KCNK12: variants seen among roughly 807,000 people sequenced by gnomAD.
The protein encoded by KCNK12 is potassium channel subfamily K member 12.
KCNK12 carries 6 observed loss-of-function variants against 25.3 expected under a neutral mutation model. That is an observed-to-expected ratio of 0.24 (90% CI 0.13 to 0.47). The LOEUF (loss-of-function observed/expected upper bound fraction) is 0.47, where lower values mean the gene tolerates loss of function less well. Among genes scored for constraint, KCNK12 ranks in the 20% least tolerant of loss-of-function variants. The pLI, the probability that KCNK12 is intolerant of heterozygous loss-of-function variation, is 0.99. For missense variants in KCNK12, 444 were observed against 661.7 expected (o/e 0.67, Z 3.61); for synonymous variants, 331 against 311.1 (o/e 1.06, Z -0.67).
rs1002816075 is a variant in KCNK12 at position 47,566,471 on chromosome 2, G to C, written c.391+3470C>G. 1 of 152,040 alleles carries C rather than the reference G, an allele frequency of 6.6e-6. No individual in the cohort carries two copies. The highest frequency in any genetic ancestry group is 1.5e-5 in the Non-Finnish European group (1 of 68,016). 9.4% of individuals were successfully genotyped at this position (152,040 alleles called of 1,614,324 possible). A position where few individuals can be genotyped will look rare whatever the true frequency, so the allele number is the denominator to read the frequency against. The stretch of plus-strand genomic sequence containing the variant: ...ACACACACTGGTGCAAAAAAGGGCA[G>C]AAAGCAAGTGACTTCTGTCCTTAGA... On this transcript the variant is annotated intron_variant, in intron 1 of 1. Coordinates refer to ENST00000327876, the MANE Select transcript of KCNK12 (RefSeq NM_022055.2). This position sits in a 1 kb window ranked among gnomAD's most constrained non-coding sequence, Gnocchi z 4.1.
At chr2:47,526,150 T>C (rs1391006712) in intron 1 of KCNK12, among the ~76,000 whole-genome samples, 1 of 151,858 alleles carries the variant, frequency 6.6e-6, no homozygotes, top group African/African-American at 2.4e-5. Context: ...ATCCCAGCAC[T>C]TTGGGAGGCC....
intron 1 of KCNK12, chr2:47,534,823 C>G (rs575510103): frequency 1.1e-5 from 2 of 183,450 alleles, no homozygotes; most frequent in Admixed American, 1.3e-4. Flanking sequence ...CTCAGAGCAG[C>G]AAGACAATGT....
intron 1 of KCNK12, among the ~76,000 whole-genome samples, chr2:47,558,506 C>T (rs894011021): frequency 6.6e-6 from 1 of 152,234 alleles, no homozygotes; most frequent in African/African-American, 2.4e-5. Flanking sequence ...GCACCCCGCC[C>T]CTAGGAAATG....
intron 1 of KCNK12, among the ~76,000 whole-genome samples, chr2:47,543,103 CT>C (rs988951648): frequency 2.0e-5 from 3 of 152,054 alleles, no homozygotes; most frequent in Non-Finnish European, 4.4e-5. Flanking sequence ...CCAACGTGTT[CT>C]TTTTTGAGGT....
rs1669708230 is a variant in KCNK12, at chr2:47,562,823, C to G, written c.391+7118G>C. 8.6e-6 allele frequency: 2 copies of G among 233,064 alleles called. No individual in the cohort carries two copies. Among genetic ancestry groups the G allele is most frequent in the African/African-American group, 4.4e-5 (2 of 45,302 alleles). The allele number at this position is 233,064 out of a possible 1,614,324, so 14.4% of individuals were successfully genotyped here. ...TGTAGAAACTCTGCAGAGAGTATGA[C>G]CGTGTCTCTTAAAAAAACTTTGGTG... On this transcript the variant is annotated intron_variant, in intron 1 of 1. Coordinates refer to ENST00000327876, the MANE Select transcript of KCNK12 (RefSeq NM_022055.2). This position sits in a 1 kb window ranked among gnomAD's most constrained non-coding sequence, Gnocchi z 4.8.
intron 1 of KCNK12, among the ~76,000 whole-genome samples, chr2:47,546,978 A>G (rs1278629982): frequency 6.6e-6 from 1 of 152,140 alleles, no homozygotes; most frequent in African/African-American, 2.4e-5. Flanking sequence ...TGGGTGTGGG[A>G]AAGGCCATAT....
rs1669428915 is a variant in KCNK12 at position 47,551,503 on chromosome 2, G to A, written c.391+18438C>T. Among the ~76,000 whole-genome samples the A allele has an allele frequency of 6.6e-6, 1 of 152,342 alleles. No homozygotes were observed. Among genetic ancestry groups the A allele is most frequent in the African/African-American group, 2.4e-5 (1 of 41,572 alleles). On this transcript the variant is annotated intron_variant, in intron 1 of 1. Transcript: ENST00000327876. This position sits in a 1 kb window ranked among gnomAD's most constrained non-coding sequence, Gnocchi z 5.3. ...TAGGGACTTTGTCTACTTGTTCACT[G>A]CTGTATCCCTGGGGATTTTCAGTTG...
Position 47,519,006 on chromosome 2 carries a change from C to G in KCNK12, c.*1901G>C, listed in dbSNP as rs1573619244. The G allele has an allele frequency of 6.6e-6, 1 of 152,256 alleles. No homozygotes were observed. The highest frequency in any genetic ancestry group is 1.9e-4 in the East Asian group (1 of 5,190). 9.4% of individuals were successfully genotyped at this position (152,256 alleles called of 1,614,324 possible). On this transcript the variant is annotated 3_prime_UTR_variant, in exon 2 of 2. Transcript: ENST00000327876. ...GCAACCATGGGTTGGATGGGGGGCA[C>G]TCACTGGGCTGGCCTGACAGTCACA...
rs967578543 is a variant in KCNK12 at position 47,554,858 on chromosome 2, G to A, written c.391+15083C>T. On this transcript the variant is annotated intron_variant, in intron 1 of 1. Transcript: ENST00000327876. ...GAGTAGACTGGTCGTGATGGGCAGC[G>A]AGACAAGTGGATGGAATCAGAATGT... is the stretch of plus-strand genomic sequence containing the variant. 1.5e-4 allele frequency among the ~76,000 whole-genome samples: 23 copies of A among 152,204 alleles called. 1 individual carries two copies. Among genetic ancestry groups the A allele is most frequent in the Admixed American group, 7.2e-4 (11 of 15,280 alleles).
Position 47,512,670 on chromosome 2 carries a change from T to C in KCNK12, c.*8237A>G. The C allele has an allele frequency of 2.0e-6, 1 of 491,958 alleles. No individual in the cohort carries two copies. Among genetic ancestry groups the C allele is most frequent in the Admixed American group, 3.8e-5 (1 of 26,652 alleles). 30.5% of individuals were successfully genotyped at this position (491,958 alleles called of 1,614,324 possible). A position where few individuals can be genotyped will look rare whatever the true frequency, so the allele number is the denominator to read the frequency against. On this transcript the variant is annotated 3_prime_UTR_variant, in exon 2 of 2. Coordinates refer to ENST00000327876, the MANE Select transcript of KCNK12 (RefSeq NM_022055.2). ...GATGTGCCCTTGTACACCCACTGCCTCTGAACTCTGCTCTGCATTGCTGAG... is the reference window on the plus strand; with the variant it reads ...GATGTGCCCTTGTACACCCACTGCCCCTGAACTCTGCTCTGCATTGCTGAG...
intron 1 of KCNK12, among the ~76,000 whole-genome samples, chr2:47,522,904 C>T (rs1304727405): frequency 6.6e-6 from 1 of 151,750 alleles, no homozygotes; most frequent in South Asian, 2.1e-4. Context: ...ATTTTTTTTC[C>T]CAAGTGTGCC....
chr2:47,552,251 C>A (rs985954652), intron 1 of KCNK12, among the ~76,000 whole-genome samples: 7 of 152,202 alleles, frequency 4.6e-5, no homozygotes, highest in African/African-American at 1.7e-4. Context: ...CCCGCCTCCA[C>A]CAATGGTAGT....
intron 1 of KCNK12, among the ~76,000 whole-genome samples, chr2:47,553,585 G>C (rs1669486172): frequency 6.6e-6 from 1 of 152,212 alleles, no homozygotes; most frequent in African/African-American, 2.4e-5. Context: ...GAGACTAACA[G>C]TTTAGACTAA....
chr2:47,522,121 C>G (rs1450058426), intron 1 of KCNK12, among the ~76,000 whole-genome samples: 8 of 152,226 alleles, frequency 5.3e-5, no homozygotes, highest in African/African-American at 1.7e-4. Context: ...ATAGAAACCA[C>G]TGCTGCACAG....
chr2:47,563,822 C>G (rs1047872556), intron 1 of KCNK12: 1 of 232,722 alleles, frequency 4.3e-6, no homozygotes, highest in East Asian at 6.0e-5. Flanking sequence ...TACCTTTGCT[C>G]CATTCGGCAC....
rs1242733770 is a variant in KCNK12 at position 47,511,109 on chromosome 2, A to T, written c.*9798T>A. The stretch of plus-strand genomic sequence containing the variant: ...GGTTCTCACATATGTTTGTTGAGTG[A>T]ATGAATACAATACCAAACGAATGGA... On this transcript the variant is annotated 3_prime_UTR_variant, in exon 2 of 2. Transcript: ENST00000327876. The surrounding 1 kb of genome is among the most constrained non-coding windows in gnomAD (Gnocchi z 4.3). Among the ~76,000 whole-genome samples the T allele has an allele frequency of 6.6e-6, 1 of 152,220 alleles. No homozygotes were observed. Among genetic ancestry groups the T allele is most frequent in the African/African-American group, 2.4e-5 (1 of 41,440 alleles).
At chr2:47,550,338 G>A (rs1008175951) in intron 1 of KCNK12, among the ~76,000 whole-genome samples, 7 of 151,096 alleles carry the variant, frequency 4.6e-5, no homozygotes, top group African/African-American at 1.7e-4. Context: ...CCAAAGAAAG[G>A]AGGCACAATT....
chr2:47,534,538 CAGAA>C lies in KCNK12; in HGVS notation c.392-12734_392-12731del, dbSNP rs930187224. On this transcript the variant is annotated intron_variant, in intron 1 of 1. Coordinates refer to ENST00000327876, the MANE Select transcript of KCNK12 (RefSeq NM_022055.2). ...TAACCCCCCCCCCCGCCCCCACACA[CAGAA>C]AGAGCAGAGCCCTCATCTCAGCCCA... 1.2e-4 allele frequency among the ~76,000 whole-genome samples: 16 copies of C among 137,364 alleles called. No homozygotes were observed. The East Asian group carries it at 3.7e-3, about 31-fold the overall frequency. 90.1% of individuals were successfully genotyped at this position (137,364 alleles called of 152,430 possible).
Position 47,512,652 on chromosome 2 carries a change from C to G in KCNK12, c.*8255G>C. 1.9e-6 allele frequency: 1 copy of G among 535,310 alleles called. No homozygotes were observed. Among genetic ancestry groups the G allele is most frequent in the East Asian group, 3.2e-5 (1 of 31,190 alleles). 33.2% of individuals were successfully genotyped at this position (535,310 alleles called of 1,614,324 possible). ...AAAGTGTGCTAATGGGATGATGTGC[C>G]CTTGTACACCCACTGCCTCTGAACT... On this transcript the variant is annotated 3_prime_UTR_variant, in exon 2 of 2. Coordinates refer to ENST00000327876, the MANE Select transcript of KCNK12 (RefSeq NM_022055.2).
Sources: allele counts gnomAD v4.1 joint callset (sites outside exome capture counted in the v4.1 genomes callset), GRCh38; gene constraint gnomAD v4.1.1; non-coding constraint Gnocchi (gnomAD v3.1); transcripts MANE v1.5; gene names NCBI Gene and HGNC (gene_info 2026-07-23, HGNC 2026-07-21).